Variants in TUT7 observed in about 807,000 individuals in gnomAD.
TUT7 encodes the protein terminal uridylyltransferase 7.
TUT7 carries 33 observed loss-of-function variants against 165.9 expected under a neutral mutation model. That is an observed-to-expected ratio of 0.20 (90% CI 0.15 to 0.27). TUT7 has a LOEUF of 0.27. Among genes scored for constraint, TUT7 ranks in the 10% least tolerant of loss-of-function variants. TUT7 has a pLI of 1.00. For missense variants in TUT7, 1,338 were observed against 1,762.3 expected (o/e 0.76, Z 4.31); for synonymous variants, 552 against 608.1 (o/e 0.91, Z 1.36).
rs774204861 is a variant in TUT7, at chr9:86,323,524, G to A, written c.2226C>T (p.Tyr742=). 1.2e-6 allele frequency: 2 copies of A among 1,614,102 alleles called. No individual in the cohort carries two copies. The highest frequency in any genetic ancestry group is 1.7e-5 in the Admixed American group (1 of 60,004). Residue 742 remains tyrosine (Y), a synonymous_variant, in exon 13 of 27, where the codon TAC becomes TAT. Transcript: ENST00000375963. ...NSDDYKGDKV[Y]HPETGRKNEK... is the part of the protein sequence containing the mutation. ...CGTTTTTCCTTCCTGTTTCTGGATG[G>A]TATACTTTATCACCCTTGTAATCAT...
rs1403772441 is a variant in TUT7, at chr9:86,345,234, TAG to T, written c.820-82_820-81del. On this transcript the variant is annotated intron_variant, in intron 4 of 26. Coordinates refer to ENST00000375963, the MANE Select transcript of TUT7 (RefSeq NM_024617.4). ...TACCACTCATGAAGACAACACCCTA[TAG>T]AGTTTTCTTTTTCTTAGCCCTCCCT... 9.5e-6 allele frequency: 13 copies of T among 1,374,288 alleles called. No homozygotes were observed. The Admixed American group carries it at 1.8e-4, about 19-fold the overall frequency. The allele number at this position is 1,374,288 out of a possible 1,614,324, so 85.1% of individuals were successfully genotyped here.
intron 26 of TUT7, among the ~76,000 whole-genome samples, chr9:86,297,563 C>T (rs1002879345): frequency 6.6e-6 from 1 of 152,002 alleles, no homozygotes; most frequent in Admixed American, 6.6e-5. Context: ...TGTGGCGGCT[C>T]ATATCTATCA....
Position 86,349,379 on chromosome 9 carries a change from A to T in TUT7, c.521-2899T>A, listed in dbSNP as rs563687782. 6.6e-5 allele frequency among the ~76,000 whole-genome samples: 10 copies of T among 152,274 alleles called. No individual in the cohort carries two copies. In the South Asian group the frequency reaches 2.1e-3, roughly 32 times the overall value. Reference sequence around the variant, plus strand: ...GTAATAAGAGTTCTCTATATTCGGCATTCCAAGTTTCCCATATTTTATTTG... The same window carrying T: ...GTAATAAGAGTTCTCTATATTCGGCTTTCCAAGTTTCCCATATTTTATTTG... On this transcript the variant is annotated intron_variant, in intron 2 of 26. Transcript: ENST00000375963.
At chr9:86,332,520 G>C (rs1303459228) in intron 10 of TUT7, among the ~76,000 whole-genome samples, 1 of 152,124 alleles carries the variant, frequency 6.6e-6, no homozygotes, top group African/African-American at 2.4e-5. Context: ...ACAAAGAAGG[G>C]AACAATGGAC....
chr9:86,339,996 A>G (rs201453311), intron 8 of TUT7, 40 bp downstream of exon 8: 1 of 1,520,556 alleles, frequency 6.6e-7, no homozygotes, highest in African/African-American at 1.4e-5. Flanking sequence ...GCTTTTGGCA[A>G]GTTGAGAGTT....
intron 22 of TUT7, among the ~76,000 whole-genome samples, chr9:86,307,728 T>C (rs1827641973): frequency 6.6e-6 from 1 of 152,152 alleles, no homozygotes; most frequent in Admixed American, 6.5e-5. Context: ...GCGCAGTGGC[T>C]CACATCTGTA....
intron 17 of TUT7, among the ~76,000 whole-genome samples, chr9:86,313,775 A>G (rs1828451907): frequency 1.3e-5 from 2 of 152,232 alleles, no homozygotes; most frequent in African/African-American, 4.8e-5. Flanking sequence ...GGGAAGCGGT[A>G]AAGTGAAAGA....
In TUT7 at chr9:86,310,783, T is replaced by C; in HGVS notation, c.3301A>G (p.Thr1101Ala). Reference protein sequence around the residue: ...SGLRNILPITTAKVPIVKFFH... With the variant: ...SGLRNILPITAAKVPIVKFFH... ...AACTTCACAATTGGCACCTTTGCTG[T>C]TGTAATAGGTAAGATGTTTCTCAGA... Residue 1101 changes from threonine to alanine, a missense_variant, in exon 18 of 27, where the codon ACA becomes GCA. Physicochemically the swap from Thr to Ala is moderately conservative, Grantham distance 58 (BLOSUM62 0). Transcript: ENST00000375963. The C allele has an allele frequency of 6.2e-7, 1 of 1,611,638 alleles. No homozygotes were observed. The highest frequency in any genetic ancestry group is 8.5e-7 in the Non-Finnish European group (1 of 1,177,808).
Position 86,309,928 on chromosome 9 carries a change from C to T in TUT7, c.3468G>A (p.Lys1156=), listed in dbSNP as rs373363171. Residue 1156 remains lysine (K), a splice_region_variant and synonymous_variant, in exon 19 of 27, where the codon AAG becomes AAA. Transcript: ENST00000375963. ...YLCYTMKVFT[K]MCDIGDASRG... ...AAGTCACAATAGGAAGCATACTCACCTTTGTAAATACTTTCATGGTATAGC... is the reference window on the plus strand; with the variant it reads ...AAGTCACAATAGGAAGCATACTCACTTTTGTAAATACTTTCATGGTATAGC... The T allele has an allele frequency of 1.2e-6, 2 of 1,612,478 alleles. No homozygotes were observed. Among genetic ancestry groups the T allele is most frequent in the Non-Finnish European group, 1.7e-6 (2 of 1,178,800 alleles).
At chr9:86,322,750 T>C (rs976393767) in intron 13 of TUT7, 123 bp downstream of exon 13, 6 of 1,193,034 alleles carry the variant, frequency 5.0e-6, no homozygotes, top group Non-Finnish European at 6.9e-6. Flanking sequence ...CATATCAGAA[T>C]GAAAGGCCAA....
chr9:86,317,338 A>G (rs1046929045), intron 16 of TUT7, 62 bp from the exon 17 acceptor site: 3 of 1,297,764 alleles, frequency 2.3e-6, no homozygotes, highest in Non-Finnish European at 2.2e-6. Flanking sequence ...GAAACTGGCT[A>G]TAGTTTCCAT....
At chr9:86,322,604 T>A in intron 13 of TUT7, 129 bp from the exon 14 acceptor site, 1 of 1,179,254 alleles carries the variant, frequency 8.5e-7, no homozygotes, top group Non-Finnish European at 1.2e-6. Context: ...ATAACATGCA[T>A]CCACTCAAAT....
Position 86,303,949 on chromosome 9 carries a change from G to A in TUT7, c.3979-748C>T, listed in dbSNP as rs564211053. ...TGTGCCTATAAAGCAATACACTTACGTTAAATTTTAAAAGTCTTCACTGGG... is the reference window on the plus strand; with the variant it reads ...TGTGCCTATAAAGCAATACACTTACATTAAATTTTAAAAGTCTTCACTGGG... On this transcript the variant is annotated intron_variant, in intron 24 of 26. Transcript: ENST00000375963. Among the ~76,000 whole-genome samples the A allele has an allele frequency of 1.2e-4, 19 of 152,310 alleles. 1 individual carries two copies. Among genetic ancestry groups the A allele is most frequent in the African/African-American group, 3.6e-4 (15 of 41,568 alleles).
chr9:86,346,469 GCTT>G lies in TUT7; in HGVS notation c.529_531del (p.Lys177del), dbSNP rs1377748305. On this transcript the variant is annotated inframe_deletion, in exon 3 of 27. Coordinates refer to ENST00000375963, the MANE Select transcript of TUT7 (RefSeq NM_024617.4). Reference sequence around the variant, plus strand: ...CGTGGCTTCCTAGGTCTGGACCTCTGCTTCTTGTTTTCTTAAGGTGGGGGAAAA... The same window carrying G: ...CGTGGCTTCCTAGGTCTGGACCTCTGCTTGTTTTCTTAAGGTGGGGGAAAA... 2.5e-6 allele frequency: 4 copies of G among 1,610,288 alleles called. No individual in the cohort carries two copies. Among genetic ancestry groups the G allele is most frequent in the Non-Finnish European group, 2.5e-6 (3 of 1,178,846 alleles).
intron 12 of TUT7, among the ~76,000 whole-genome samples, 163 bp downstream of exon 12, chr9:86,325,171 A>G (rs982664943): frequency 1.3e-5 from 2 of 152,196 alleles, no homozygotes; most frequent in East Asian, 3.9e-4. Flanking sequence ...CCTTGAAATG[A>G]CCCACTGTTA....
chr9:86,347,487 A>G (rs1831876159), intron 2 of TUT7, among the ~76,000 whole-genome samples: 1 of 152,178 alleles, frequency 6.6e-6, no homozygotes, highest in Non-Finnish European at 1.5e-5. Context: ...AAGTTTTCAG[A>G]GGAACTCATT....
chr9:86,298,076 A>T (rs1346547809), intron 26 of TUT7, among the ~76,000 whole-genome samples: 1 of 151,756 alleles, frequency 6.6e-6, no homozygotes, highest in African/African-American at 2.4e-5. Context: ...CCTTTGTTTC[A>T]TTTGATTCTT....
At chr9:86,321,044 C>T (rs573032531) in intron 14 of TUT7, among the ~76,000 whole-genome samples, 2 of 152,304 alleles carry the variant, frequency 1.3e-5, no homozygotes, top group Non-Finnish European at 2.9e-5. Flanking sequence ...TGTGTCCAGG[C>T]TTCAAGTAAC....
intron 10 of TUT7, among the ~76,000 whole-genome samples, chr9:86,329,613 C>T (rs749955071): frequency 3.3e-5 from 5 of 152,034 alleles, no homozygotes; most frequent in Non-Finnish European, 7.4e-5. Flanking sequence ...ATCACATTTC[C>T]CAAATGTATT....
Sources: gnomAD v4.1 joint callset for allele counts (sites outside exome capture counted in the v4.1 genomes callset) on GRCh38, gnomAD v4.1.1 for gene constraint, MANE v1.5 for transcripts, NCBI Gene and HGNC (gene_info 2026-07-23, HGNC 2026-07-21) for gene names.